ANK3: variants seen among roughly 807,000 people sequenced by gnomAD.
ANK3 encodes the protein ankyrin 3.
ANK3 carries 57 observed loss-of-function variants against 370.9 expected under a neutral mutation model. The observed-to-expected ratio is 0.15, with a 90% confidence interval of 0.12 to 0.19. ANK3 has a LOEUF of 0.19. ANK3 is among the 10% of genes least tolerant of loss of function. The pLI, the probability that ANK3 is intolerant of heterozygous loss-of-function variation, is 1.00. For synonymous variants in ANK3, 1,929 were observed against 1,946.3 expected (o/e 0.99, Z 0.23); for missense variants, 4,439 against 5,302.1 (o/e 0.84, Z 5.06).
chr10:60,067,923 G>A lies in ANK3; in HGVS notation c.12319+12C>T, dbSNP rs747726150. 1 of 1,599,598 alleles carries A rather than the reference G, an allele frequency of 6.3e-7. No homozygotes were observed. Among genetic ancestry groups the A allele is most frequent in the Non-Finnish European group, 8.6e-7 (1 of 1,168,930 alleles). ...AAACTAATTTGTTCCATTCAGGAGT[G>A]TATGCACTTACCTGTCCAACTAAGT... is the stretch of plus-strand genomic sequence containing the variant. On this transcript the variant is annotated intron_variant, in intron 38 of 43. Coordinates refer to ENST00000280772, the MANE Select transcript of ANK3 (RefSeq NM_020987.5).
intron 2 of ANK3, among the ~76,000 whole-genome samples, chr10:60,459,634 C>G (rs1475219437): frequency 1.3e-5 from 2 of 152,090 alleles, no homozygotes; most frequent in Non-Finnish European, 2.9e-5. Flanking sequence ...ATTAATGATG[C>G]CTGCTGGATT....
chr10:60,385,051 C>T (rs569789731), intron 1 of ANK3, among the ~76,000 whole-genome samples: 1 of 152,238 alleles, frequency 6.6e-6, no homozygotes, highest in East Asian at 1.9e-4. Context: ...GATGGCTCTA[C>T]CCCATAAAGC....
intron 2 of ANK3, among the ~76,000 whole-genome samples, chr10:60,613,917 T>C (rs534464250): frequency 2.0e-5 from 3 of 151,938 alleles, no homozygotes; most frequent in African/African-American, 7.3e-5. Flanking sequence ...CTATGAAAAA[T>C]ACAAAAATTA....
Position 60,610,039 on chromosome 10 carries a change from A to G in ANK3, c.96+5147T>C, listed in dbSNP as rs1166955330. ...GAGTCTAGAAAAATATTCACCACCA[A>G]AATGATAAAGGAATAATAGTATTAA... is the stretch of plus-strand genomic sequence containing the variant. On this transcript the variant is annotated intron_variant, in intron 2 of 43. Transcript: ENST00000373827. 3.3e-5 allele frequency among the ~76,000 whole-genome samples: 5 copies of G among 151,932 alleles called. No individual in the cohort carries two copies. In the East Asian group the frequency reaches 9.6e-4, roughly 29 times the overall value.
At chr10:60,236,044 A>T (rs1348149162) in intron 7 of ANK3, among the ~76,000 whole-genome samples, 2 of 152,240 alleles carry the variant, frequency 1.3e-5, no homozygotes, top group African/African-American at 4.8e-5. Context: ...AAGTTCCAAC[A>T]TACACAAAGT....
rs994260152 is a variant in ANK3 at position 60,417,309 on chromosome 10, C to CG, written c.97-137671dup. Among the ~76,000 whole-genome samples, 9 of 152,212 alleles carry CG rather than the reference C, an allele frequency of 5.9e-5. No individual in the cohort carries two copies. In the East Asian group the frequency reaches 1.7e-3, roughly 29 times the overall value. ...GGTGGTTTGAGAAACAGCAACTTGA[C>CG]GGGGGGTCAGCTGAGAAAACTGAGT... On this transcript the variant is annotated intron_variant, in intron 2 of 43. Coordinates refer to the ANK3 transcript ENST00000373827.
At chr10:60,165,711 C>A (rs1368926296) in intron 23 of ANK3, among the ~76,000 whole-genome samples, 4 of 152,070 alleles carry the variant, frequency 2.6e-5, no homozygotes, top group African/African-American at 9.7e-5. Flanking sequence ...AAAAGACTAG[C>A]AACACTAAGA....
chr10:60,202,784 T>C (rs1460713574), intron 12 of ANK3, among the ~76,000 whole-genome samples: 2 of 152,116 alleles, frequency 1.3e-5, no homozygotes, highest in Non-Finnish European at 2.9e-5. Context: ...AGCACATTCC[T>C]GTAGTCCCAG....
intron 10 of ANK3, among the ~76,000 whole-genome samples, chr10:60,207,659 T>C (rs74641831): frequency 0.039 from 5,904 of 152,262 alleles, 362 homozygotes; most frequent in African/African-American, 0.13. Flanking sequence ...CCACTTATGT[T>C]TCAAATAGAG....
chr10:60,361,494 C>A (rs2058604069), intron 1 of ANK3, among the ~76,000 whole-genome samples: 1 of 152,160 alleles, frequency 6.6e-6, no homozygotes, highest in African/African-American at 2.4e-5. Context: ...TAACTCAAGA[C>A]TTTTCAGAAA....
intron 1 of ANK3, among the ~76,000 whole-genome samples, chr10:60,378,721 C>A (rs2061146988): frequency 1.3e-5 from 2 of 151,914 alleles, no homozygotes; most frequent in South Asian, 4.2e-4. Context: ...ATCAGAGACC[C>A]AAATATAAGA....
intron 1 of ANK3, among the ~76,000 whole-genome samples, chr10:60,662,600 G>C (rs1463789532): frequency 2.0e-5 from 3 of 152,070 alleles, no homozygotes; most frequent in African/African-American, 7.2e-5. Context: ...TTTATTAAAA[G>C]AAACATATAA....
chr10:60,688,545 T>C (rs1226064000), intron 1 of ANK3, among the ~76,000 whole-genome samples: 1 of 152,194 alleles, frequency 6.6e-6, no homozygotes, highest in Non-Finnish European at 1.5e-5. Context: ...CTAGATTTTA[T>C]TTCTGTCAGC....
chr10:60,143,707 C>G (rs2094676033), intron 23 of ANK3, among the ~76,000 whole-genome samples: 1 of 152,196 alleles, frequency 6.6e-6, no homozygotes. Flanking sequence ...TATTCATGCC[C>G]TTGCATAGTA....
At chr10:60,202,719 C>A (rs1030664921) in intron 12 of ANK3, among the ~76,000 whole-genome samples, 1 of 152,002 alleles carries the variant, frequency 6.6e-6, no homozygotes, top group South Asian at 2.1e-4. Flanking sequence ...CCAGCCTGGG[C>A]AAAATAGTGA....
At chr10:60,449,949 C>T (rs886286586) in intron 2 of ANK3, among the ~76,000 whole-genome samples, 2 of 150,666 alleles carry the variant, frequency 1.3e-5, no homozygotes, top group Non-Finnish European at 3.0e-5. Context: ...GTCTAGAGAA[C>T]CAAAAAATTT....
intron 1 of ANK3, among the ~76,000 whole-genome samples, chr10:60,366,515 T>C (rs1368328218): frequency 6.6e-6 from 1 of 151,970 alleles, no homozygotes; most frequent in Non-Finnish European, 1.5e-5. Flanking sequence ...GCTTTCACCA[T>C]GGATATGTGC....
chr10:60,205,916 G>C (rs1321494828), intron 10 of ANK3, 26 bp from the exon 11 acceptor site: 1 of 1,412,850 alleles, frequency 7.1e-7, no homozygotes. Context: ...ACATATACCT[G>C]CTTGACTACA....
chr10:60,076,615 G>A (rs1276320322), intron 36 of ANK3, among the ~76,000 whole-genome samples, 167 bp from the exon 37 acceptor site: 2 of 151,070 alleles, frequency 1.3e-5, no homozygotes, highest in African/African-American at 4.9e-5. Context: ...ACAATTAAGA[G>A]GAAAAACAAA....
Sources: allele counts gnomAD v4.1 joint callset (sites outside exome capture counted in the v4.1 genomes callset), GRCh38; gene constraint gnomAD v4.1.1; transcripts MANE v1.5; gene names NCBI Gene and HGNC (gene_info 2026-07-23, HGNC 2026-07-21).